The following NCAM2 variants were observed in gnomAD, a reference collection of about 807,000 sequenced individuals.
NCAM2 encodes neural cell adhesion molecule 2, also known as N-CAM-2.
A neutral mutation model predicts 98.1 loss-of-function variants in NCAM2; 30 were observed. The observed-to-expected ratio is 0.31, with a 90% CI of 0.23 to 0.41. The LOEUF (loss-of-function observed/expected upper bound fraction) is 0.41. NCAM2 is among the 10% of genes least tolerant of loss of function. NCAM2 has a pLI of 1.00. For synonymous variants in NCAM2, 368 were observed against 342.4 expected, an observed-to-expected ratio of 1.07 and a Z score of -0.83; for missense variants, 867 against 1,005.8, an observed-to-expected ratio of 0.86 and a Z score of 1.87.
At chr21:21,064,845 A>G (rs139379794) in intron 1 of NCAM2, among the ~76,000 whole-genome samples, 32 of 152,228 alleles carry the variant, frequency 2.1e-4, no homozygotes, top group Admixed American at 1.2e-3. Context: ...TCAACGGGCA[A>G]CATGATTACT....
chr21:21,046,125 C>T (rs1283461306), intron 1 of NCAM2, among the ~76,000 whole-genome samples: 3 of 152,094 alleles, frequency 2.0e-5, no homozygotes, highest in African/African-American at 7.2e-5. Context: ...TAAAGCACTC[C>T]GAAAAACTCT....
rs574292985 is a variant in NCAM2, at chr21:21,105,635, A to G, written c.55+107017A>G. Among the ~76,000 whole-genome samples the G allele has an allele frequency of 3.3e-5, 5 of 152,310 alleles. No individual in the cohort carries two copies. The South Asian group carries it at 6.2e-4, about 19-fold the overall frequency. On this transcript the variant is annotated intron_variant, in intron 1 of 17. Transcript: ENST00000400546. ...CATTAGTATTGGCAAAAACATTAAT[A>G]ATAATGGCATATTTTTCATCCTGAG...
chr21:21,504,222 C>G (rs1987825213), intron 15 of NCAM2, among the ~76,000 whole-genome samples: 1 of 151,810 alleles, frequency 6.6e-6, no homozygotes, highest in South Asian at 2.1e-4. Flanking sequence ...GTGTACAGTT[C>G]TCATTTTAGG....
intron 12 of NCAM2, among the ~76,000 whole-genome samples, chr21:21,454,356 T>G (rs1290070607): frequency 1.3e-5 from 2 of 152,084 alleles, no homozygotes; most frequent in African/African-American, 4.8e-5. Flanking sequence ...ATAAACTTAG[T>G]CAATATATTT....
At chr21:21,403,033 G>T (rs1358888346) in intron 9 of NCAM2, among the ~76,000 whole-genome samples, 1 of 151,976 alleles carries the variant, frequency 6.6e-6, no homozygotes, top group African/African-American at 2.4e-5. Flanking sequence ...GCTTTAATTT[G>T]CATCTTCTTA....
chr21:21,249,176 T>G (rs1278053293), intron 1 of NCAM2, among the ~76,000 whole-genome samples: 1 of 152,212 alleles, frequency 6.6e-6, no homozygotes, highest in African/African-American at 2.4e-5. Context: ...CCATGATCCT[T>G]TCCTCAGTTA....
Position 21,243,074 on chromosome 21 carries a change from G to T in NCAM2, c.56-37504G>T, listed in dbSNP as rs777216430. ...ATTAATAATTCATACATAGAATGTAGAGATGAAGCAGGGAATCTTAAAAGA... is the reference window on the plus strand; with the variant it reads ...ATTAATAATTCATACATAGAATGTATAGATGAAGCAGGGAATCTTAAAAGA... On this transcript the variant is annotated intron_variant, in intron 1 of 17. Transcript: ENST00000400546. Among the ~76,000 whole-genome samples, 4 of 152,246 alleles carry T rather than the reference G, an allele frequency of 2.6e-5. No homozygotes were observed. In the East Asian group the frequency reaches 7.7e-4, roughly 29 times the overall value.
chr21:21,064,429 T>A (rs1021686754), intron 1 of NCAM2, among the ~76,000 whole-genome samples: 1 of 152,202 alleles, frequency 6.6e-6, no homozygotes. Flanking sequence ...CATAACTCAT[T>A]AAGAATTGTA....
chr21:21,291,063 G>T (rs1444900260), intron 4 of NCAM2, among the ~76,000 whole-genome samples: 1 of 151,630 alleles, frequency 6.6e-6, no homozygotes, highest in Non-Finnish European at 1.5e-5. Flanking sequence ...GTAAACAATA[G>T]ACTGTAGATA....
chr21:21,267,468 G>A (rs2072327167), intron 1 of NCAM2, among the ~76,000 whole-genome samples: 1 of 151,980 alleles, frequency 6.6e-6, no homozygotes, highest in African/African-American at 2.4e-5. Context: ...TACCTGGGCT[G>A]GAAATCTTAA....
rs552636368 is a variant in NCAM2 at position 21,541,965 on chromosome 21, C to G, written c.*4008C>G. The G allele has an allele frequency of 6.6e-6, 1 of 151,170 alleles. No individual in the cohort carries two copies. Among genetic ancestry groups the G allele is most frequent in the South Asian group, 2.1e-4 (1 of 4,764 alleles). 9.4% of individuals were successfully genotyped at this position (151,170 alleles called of 1,614,324 possible). A position where few individuals can be genotyped will look rare whatever the true frequency, so the allele number is the denominator to read the frequency against. On this transcript the variant is annotated 3_prime_UTR_variant, in exon 18 of 18. Coordinates refer to ENST00000400546, the MANE Select transcript of NCAM2 (RefSeq NM_004540.5). ...AAAATATTTGCATCTGTTTATTTAC[C>G]CTTTGAAGCATTAATACTTAGTCAC... is the stretch of plus-strand genomic sequence containing the variant.
At chr21:21,042,926 A>G (rs893536525) in intron 1 of NCAM2, among the ~76,000 whole-genome samples, 1 of 152,228 alleles carries the variant, frequency 6.6e-6, no homozygotes, top group Non-Finnish European at 1.5e-5. Flanking sequence ...AGAAAAGAAA[A>G]TGTGTGAAAT....
chr21:21,083,223 A>C (rs1349272533), intron 1 of NCAM2, among the ~76,000 whole-genome samples: 1 of 152,132 alleles, frequency 6.6e-6, no homozygotes, highest in South Asian at 2.1e-4. Context: ...TGATATTTGG[A>C]TAGATGACTG....
chr21:21,167,539 A>T (rs1488443266), intron 1 of NCAM2, among the ~76,000 whole-genome samples: 1 of 152,160 alleles, frequency 6.6e-6, no homozygotes, highest in Non-Finnish European at 1.5e-5. Flanking sequence ...GTTTAATAAG[A>T]TTAGATAAGA....
chr21:21,405,832 A>C (rs1441050113), intron 9 of NCAM2, among the ~76,000 whole-genome samples: 1 of 152,196 alleles, frequency 6.6e-6, no homozygotes, highest in Non-Finnish European at 1.5e-5. Flanking sequence ...TAACATTTCT[A>C]AACTACAATC....
intron 9 of NCAM2, among the ~76,000 whole-genome samples, chr21:21,380,001 T>A (rs2076117322): frequency 6.6e-6 from 1 of 152,000 alleles, no homozygotes; most frequent in Admixed American, 6.6e-5. Context: ...GCTAGGCCAG[T>A]CTAGTCTTTT....
chr21:21,524,914 T>A (rs989158055), intron 16 of NCAM2, among the ~76,000 whole-genome samples: 6 of 152,154 alleles, frequency 3.9e-5, no homozygotes, highest in African/African-American at 1.4e-4. Context: ...AAGTAACACA[T>A]AGGTCCAAGA....
intron 1 of NCAM2, among the ~76,000 whole-genome samples, chr21:21,201,423 A>T (rs2069215233): frequency 6.6e-6 from 1 of 152,234 alleles, no homozygotes. Context: ...GCAAGTTTAC[A>T]TCCTGGGAAT....
chr21:21,155,881 A>G (rs1346652020), intron 1 of NCAM2, among the ~76,000 whole-genome samples: 1 of 152,044 alleles, frequency 6.6e-6, no homozygotes, highest in Admixed American at 6.5e-5. Flanking sequence ...AAATACTAGC[A>G]GATACTTTGG....
Sources: gnomAD v4.1 joint callset for allele counts (sites outside exome capture counted in the v4.1 genomes callset) on GRCh38, gnomAD v4.1.1 for gene constraint, MANE v1.5 for transcripts, NCBI Gene and HGNC (gene_info 2026-07-23, HGNC 2026-07-21) for gene names.